Variants in SMARCA2 observed in about 807,000 individuals in gnomAD.
SMARCA2 encodes the protein SWI/SNF-related matrix-associated actin-dependent regulator of chromatin subfamily A member 2.
In SMARCA2, 61 loss-of-function variants were observed where a neutral mutation model predicts 199.8. That is an observed-to-expected ratio of 0.31 (90% CI 0.25 to 0.38). SMARCA2 has a LOEUF of 0.38. SMARCA2 is among the 10% of genes least tolerant of loss of function. SMARCA2 has a pLI of 1.00. For missense variants in SMARCA2, 1,344 were observed against 2,012.2 expected, an observed-to-expected ratio of 0.67 and a Z score of 6.35; for synonymous variants, 935 against 732.0, an observed-to-expected ratio of 1.28 and a Z score of -4.48.
At chr9:2,176,191 T>G (rs1012804590) in intron 29 of SMARCA2, among the ~76,000 whole-genome samples, 73 of 150,386 alleles carry the variant, frequency 4.9e-4, no homozygotes, top group Non-Finnish European at 3.1e-4. Context: ...TGTTTTTTTT[T>G]TTTTTTTTTT....
At chr9:2,026,584 G>A (rs925854735) in intron 1 of SMARCA2, among the ~76,000 whole-genome samples, 3 of 152,144 alleles carry the variant, frequency 2.0e-5, no homozygotes, top group African/African-American at 4.8e-5. Context: ...TATATTAAAC[G>A]TAGGAATATC....
Position 2,130,778 on chromosome 9 carries a change from A to G in SMARCA2, c.3981+6841A>G, listed in dbSNP as rs921003864. Among the ~76,000 whole-genome samples, 4 of 152,164 alleles carry G rather than the reference A, an allele frequency of 2.6e-5. No individual in the cohort carries two copies. In the East Asian group the frequency reaches 7.7e-4, roughly 29 times the overall value. ...GCACAAGAAATGGCCCATCTTGATA[A>G]TTTCTTGGAAACATATATTTGCTTC... On this transcript the variant is annotated intron_variant, in intron 27 of 33. Transcript: ENST00000349721.
intron 2 of SMARCA2, among the ~76,000 whole-genome samples, chr9:2,031,510 G>A (rs954187393): frequency 6.6e-6 from 1 of 152,148 alleles, no homozygotes; most frequent in East Asian, 1.9e-4. Context: ...TTGTTCTTTA[G>A]CAGTTAAAAA....
chr9:2,139,646 CA>C (rs78276933), intron 27 of SMARCA2, among the ~76,000 whole-genome samples: 14,508 of 152,108 alleles, frequency 0.095, 1,127 homozygotes, highest in East Asian at 0.35. Context: ...TCACTACCCC[CA>C]ATATAGTCGC....
chr9:2,149,652 A>G (rs1824955742), intron 27 of SMARCA2, among the ~76,000 whole-genome samples: 1 of 151,642 alleles, frequency 6.6e-6, no homozygotes, highest in East Asian at 1.9e-4. Context: ...TTCGCACAAC[A>G]TGTGGGAATT....
At chr9:2,180,358 C>A (rs563840746) in intron 29 of SMARCA2, among the ~76,000 whole-genome samples, 19 of 152,302 alleles carry the variant, frequency 1.2e-4, no homozygotes, top group Non-Finnish European at 2.6e-4. Context: ...CCACTGGTTG[C>A]TAAGCAACTG....
intron 27 of SMARCA2, among the ~76,000 whole-genome samples, chr9:2,150,819 T>C (rs1166972252): frequency 6.6e-6 from 1 of 151,486 alleles, no homozygotes; most frequent in Admixed American, 6.6e-5. Flanking sequence ...TTCTGAGACT[T>C]CTCCCCTTGG....
chr9:2,167,005 C>T (rs1237494401), intron 28 of SMARCA2, among the ~76,000 whole-genome samples: 1 of 152,210 alleles, frequency 6.6e-6, no homozygotes, highest in African/African-American at 2.4e-5. Flanking sequence ...AGCCCTGTGG[C>T]ATCTGAATAA....
intron 27 of SMARCA2, among the ~76,000 whole-genome samples, chr9:2,157,074 G>A (rs1825405126): frequency 6.6e-6 from 1 of 152,160 alleles, no homozygotes; most frequent in African/African-American, 2.4e-5. Flanking sequence ...ATCCAAAAGT[G>A]CTACAGTATG....
At chr9:2,138,135 C>T (rs1356732490) in intron 27 of SMARCA2, among the ~76,000 whole-genome samples, 1 of 152,140 alleles carries the variant, frequency 6.6e-6, no homozygotes, top group East Asian at 1.9e-4. Context: ...TAACAGCTGT[C>T]TTCTAGCTTG....
chr9:2,100,997 GC>G (rs1221676732), intron 21 of SMARCA2, among the ~76,000 whole-genome samples: 4 of 152,066 alleles, frequency 2.6e-5, no homozygotes, highest in African/African-American at 9.7e-5. Flanking sequence ...CCCTTACAAA[GC>G]CACGAGATCT....
intron 21 of SMARCA2, among the ~76,000 whole-genome samples, chr9:2,098,701 C>T (rs566905143): frequency 3.3e-5 from 5 of 152,180 alleles, no homozygotes; most frequent in South Asian, 2.1e-4. Flanking sequence ...TTTGGGAGGC[C>T]GAGGCAGGAA....
chr9:2,117,679 C>A (rs2130605929), intron 25 of SMARCA2, among the ~76,000 whole-genome samples: 1 of 152,322 alleles, frequency 6.6e-6, no homozygotes, highest in East Asian at 1.9e-4. Flanking sequence ...AGTTTTCCAG[C>A]CTTCCTAAGC....
chr9:2,097,341 C>A, intron 20 of SMARCA2, 44 bp from the exon 21 acceptor site: 1 of 1,235,062 alleles, frequency 8.1e-7, no homozygotes, highest in Non-Finnish European at 1.2e-6. Context: ...AATGTCTGAC[C>A]AGTTAATAAT....
intron 26 of SMARCA2, among the ~76,000 whole-genome samples, chr9:2,121,094 A>G (rs927044413): frequency 6.6e-6 from 1 of 152,216 alleles, no homozygotes; most frequent in African/African-American, 2.4e-5. Context: ...AAGACACTGG[A>G]GAGGACAAGC....
At chr9:2,015,496 C>T (rs1818315174) in intron 1 of SMARCA2, 92 bp downstream of exon 1, 1 of 152,640 alleles carries the variant, frequency 6.6e-6, no homozygotes. Flanking sequence ...CACCACGCCG[C>T]CTTCGCCCGG....
At position 2,119,094 on chromosome 9, in the gene SMARCA2, T is replaced by C. The variant is rs118139023; in HGVS notation, c.3685-364T>C. On this transcript the variant is annotated intron_variant, in intron 25 of 33. Coordinates refer to ENST00000349721, the MANE Select transcript of SMARCA2 (RefSeq NM_003070.5). The surrounding 1 kb of genome is among the most constrained non-coding windows in gnomAD (Gnocchi z 4.6). ...AATGTTAGGTACTTTTTCATATGGA[T>C]GTCCTTATTAAAATCTTACATCCCC... is the stretch of plus-strand genomic sequence containing the variant. Among the ~76,000 whole-genome samples the C allele has an allele frequency of 0.011, 1,722 of 152,330 alleles. 45 individuals are homozygous for C. Among genetic ancestry groups the C allele is most frequent in the South Asian group, 0.011 (53 of 4,832 alleles).
intron 27 of SMARCA2, among the ~76,000 whole-genome samples, chr9:2,136,115 C>T (rs572491518): frequency 8.6e-5 from 13 of 152,022 alleles, no homozygotes; most frequent in Admixed American, 4.6e-4. Flanking sequence ...GCTGAGATTA[C>T]AGGCATGAGC....
intron 2 of SMARCA2, among the ~76,000 whole-genome samples, chr9:2,030,076 G>A (rs1818996958): frequency 6.6e-6 from 1 of 152,224 alleles, no homozygotes; most frequent in South Asian, 2.1e-4. Context: ...GAGACACGTA[G>A]AGGTTTTACA....
Sources: allele counts gnomAD v4.1 joint callset (sites outside exome capture counted in the v4.1 genomes callset), GRCh38; gene constraint gnomAD v4.1.1; non-coding constraint Gnocchi (gnomAD v3.1); transcripts MANE v1.5; gene names NCBI Gene and HGNC (gene_info 2026-07-23, HGNC 2026-07-21).